Variants in LARP6 observed in about 807,000 individuals in gnomAD.
The protein encoded by LARP6 is la-related protein 6.
In LARP6, 18 loss-of-function variants were observed where a neutral mutation model predicts 32.8. The observed-to-expected ratio is 0.55, with a 90% CI of 0.38 to 0.81. The LOEUF is 0.81. Among genes scored for constraint, LARP6 ranks in the 40% least tolerant of loss-of-function variants. The pLI, the probability that LARP6 is intolerant of heterozygous loss-of-function variation, is 0.00. For synonymous variants in LARP6, 289 were observed against 267.2 expected, an observed-to-expected ratio of 1.08 and a Z score of -0.80; for missense variants, 598 against 663.1, an observed-to-expected ratio of 0.90 and a Z score of 1.08.
At chr15:70,842,220 G>GT (rs375241577) in intron 1 of LARP6, among the ~76,000 whole-genome samples, 60 of 151,428 alleles carry the variant, frequency 4.0e-4, no homozygotes, top group Middle Eastern at 3.4e-3. Context: ...TAATTTTTCT[G>GT]TTTTTTTTGT....
At position 70,832,586 on chromosome 15, in the gene LARP6, G is replaced by C; in HGVS notation, c.942C>G (p.Ile314Met). ...TCTTGTTCAGGGACTTGTTCAGGTG[G>C]ATGCTCGCAGTGGGCTCCTCGTCAT... is the stretch of plus-strand genomic sequence containing the variant. ...KNHDEEPTAS[I>M]HLNKSLNKRV... The change falls in exon 3 of 3, where the codon ATC becomes ATG. Residue 314 changes from isoleucine (I) to methionine (M), a missense_variant. Ile to Met is a conservative substitution (Grantham distance 10). This residue lies in a region of LARP6 where 368 missense variants were observed against 397.9 expected (regional missense o/e 0.92). Transcript: ENST00000299213. 6.3e-7 allele frequency: 1 copy of C among 1,590,074 alleles called. No individual in the cohort carries two copies. The highest frequency in any genetic ancestry group is 8.5e-7 in the Non-Finnish European group (1 of 1,170,452).
chr15:70,851,734 A>T (rs1188369620), intron 1 of LARP6: 1 of 1,614,116 alleles, frequency 6.2e-7, no homozygotes, highest in Non-Finnish European at 8.5e-7. Context: ...TGAGGGAGAC[A>T]CAATGATAGA....
chr15:70,842,854 T>A (rs966672981), intron 1 of LARP6, among the ~76,000 whole-genome samples: 1 of 152,142 alleles, frequency 6.6e-6, no homozygotes, highest in Admixed American at 6.5e-5. Flanking sequence ...CTTGGAGGAC[T>A]CCACCCTCTG....
chr15:70,830,269 T>C lies in LARP6; in HGVS notation c.*1783A>G, dbSNP rs2032016509. ...GCTAATTTGTATAGAGCCATATCAT[T>C]TAGGATATACTATCTTTGTCCATTT... On this transcript the variant is annotated 3_prime_UTR_variant, in exon 3 of 3. Transcript: ENST00000299213. 6.6e-6 allele frequency: 1 copy of C among 152,252 alleles called. No homozygotes were observed. Among genetic ancestry groups the C allele is most frequent in the African/African-American group, 2.4e-5 (1 of 41,456 alleles). 9.4% of individuals were successfully genotyped at this position (152,252 alleles called of 1,614,324 possible).
chr15:70,852,780 G>A (rs2032508796), intron 1 of LARP6, among the ~76,000 whole-genome samples: 1 of 152,126 alleles, frequency 6.6e-6, no homozygotes, highest in Non-Finnish European at 1.5e-5. Context: ...GTCTCTACTG[G>A]TCTGCCCCGA....
chr15:70,852,619 G>T (rs1175595623), intron 1 of LARP6, among the ~76,000 whole-genome samples: 1 of 152,174 alleles, frequency 6.6e-6, no homozygotes, highest in African/African-American at 2.4e-5. Flanking sequence ...CAGTGACTAA[G>T]GGTTCATCAT....
chr15:70,838,305 T>C (rs530559845), intron 1 of LARP6, among the ~76,000 whole-genome samples: 36 of 152,320 alleles, frequency 2.4e-4, no homozygotes, highest in African/African-American at 8.7e-4. Flanking sequence ...CCTACCCTCA[T>C]GTGAGTGTTG....
chr15:70,852,275 C>T (rs1438431941), intron 1 of LARP6: 1 of 455,784 alleles, frequency 2.2e-6, no homozygotes, highest in South Asian at 1.5e-5. Context: ...CAGTGGGCAG[C>T]AGGAAGGGCT....
chr15:70,850,021 A>G (rs1026945553), intron 1 of LARP6, among the ~76,000 whole-genome samples: 1 of 152,218 alleles, frequency 6.6e-6, no homozygotes, highest in Non-Finnish European at 1.5e-5. Flanking sequence ...GAAATAACCA[A>G]CTTAGGTAAG....
chr15:70,841,976 T>G (rs569794529), intron 1 of LARP6, among the ~76,000 whole-genome samples: 1 of 152,164 alleles, frequency 6.6e-6, no homozygotes, highest in Admixed American at 6.6e-5. Flanking sequence ...CTCTCCCCCC[T>G]GGGCTTATGT....
chr15:70,852,209 T>G (rs948959671), intron 1 of LARP6: 4 of 443,722 alleles, frequency 9.0e-6, no homozygotes, highest in African/African-American at 8.0e-5. Context: ...GCCTGCCCAC[T>G]GGGCTCTGTC....
intron 1 of LARP6, among the ~76,000 whole-genome samples, chr15:70,840,641 T>G (rs969491371): frequency 6.6e-6 from 1 of 152,120 alleles, no homozygotes; most frequent in Non-Finnish European, 1.5e-5. Context: ...AACAAAGATG[T>G]CAGTAAATCA....
intron 1 of LARP6, among the ~76,000 whole-genome samples, chr15:70,852,815 C>T (rs928917003): frequency 6.6e-6 from 1 of 152,154 alleles, no homozygotes; most frequent in Admixed American, 6.5e-5. Context: ...AAGTCTGACC[C>T]TTTAACCTGG....
At chr15:70,841,730 T>A (rs1032071098) in intron 1 of LARP6, among the ~76,000 whole-genome samples, 4 of 152,106 alleles carry the variant, frequency 2.6e-5, no homozygotes, top group African/African-American at 9.7e-5. Context: ...TGTGATGTGA[T>A]GTGTCTGTTC....
rs1480174026 is a variant in LARP6 at position 70,829,663 on chromosome 15, CAATAA to C, written c.*2384_*2388del. ...CTGGTTTGTGGGAAGAACTGTGAAC[CAATAA>C]AATAAATGACTTGCTGAAGGTCACA... On this transcript the variant is annotated 3_prime_UTR_variant, in exon 3 of 3. Transcript: ENST00000299213. 6.6e-6 allele frequency: 1 copy of C among 152,008 alleles called. No homozygotes were observed. The highest frequency in any genetic ancestry group is 6.6e-5 in the Admixed American group (1 of 15,254). 9.4% of individuals were successfully genotyped at this position (152,008 alleles called of 1,614,324 possible).
intron 1 of LARP6, chr15:70,852,311 A>G (rs968441804): frequency 1.8e-5 from 8 of 455,450 alleles, no homozygotes; most frequent in Middle Eastern, 3.2e-4. Context: ...GCTGAGACTC[A>G]AGCCACGGGA....
chr15:70,849,394 A>T (rs140561000), intron 1 of LARP6: 6,873 of 155,838 alleles, frequency 0.044, 225 homozygotes, highest in South Asian at 0.17. Context: ...CAAACAAAAA[A>T]ATATATATAT....
In LARP6 at chr15:70,853,907, T is replaced by C; in HGVS notation, c.182A>G (p.Glu61Gly). The change falls in exon 1 of 3, where the codon GAG (glutamate) becomes GGG (glycine). Residue 61 changes from glutamate (E) to glycine (G), a missense_variant. Glu to Gly is a moderately conservative substitution (Grantham distance 98). Transcript: ENST00000299213. ...CGCCTACCTGTGCCCGCGGCTCGGC[T>C]CCTCCTCGCTCGCGCTGCCCCAGCC... The part of the protein sequence containing the change: ...SPGWGSASEE[E>G]PSRGHSGTTA... 1 of 1,358,368 alleles carries C rather than the reference T, an allele frequency of 7.4e-7. No individual in the cohort carries two copies. Among genetic ancestry groups the C allele is most frequent in the Non-Finnish European group, 9.5e-7 (1 of 1,050,204 alleles). 84.1% of individuals were successfully genotyped at this position (1,358,368 alleles called of 1,614,324 possible).
chr15:70,853,835 G>C, intron 1 of LARP6, 54 bp downstream of exon 1: 1 of 1,186,004 alleles, frequency 8.4e-7, no homozygotes, highest in Non-Finnish European at 1.1e-6. Flanking sequence ...CCGAACTCGC[G>C]CGCGGCCCGG....
Sources: allele counts gnomAD v4.1 joint callset (sites outside exome capture counted in the v4.1 genomes callset), GRCh38; gene constraint gnomAD v4.1.1; regional missense constraint gnomAD v4.1.1; transcripts MANE v1.5; gene names NCBI Gene and HGNC (gene_info 2026-07-23, HGNC 2026-07-21).